AHDC1: variants seen among roughly 807,000 people sequenced by gnomAD.
The protein encoded by AHDC1 is transcription factor Gibbin.
AHDC1 carries 7 observed loss-of-function variants against 87.9 expected under a neutral mutation model. That is an observed-to-expected ratio of 0.08 (90% CI 0.05 to 0.15). AHDC1 has a LOEUF of 0.15. AHDC1 is among the 10% of genes least tolerant of loss of function. The pLI is 1.00. For missense variants in AHDC1, 1,841 were observed against 2,253.2 expected, an observed-to-expected ratio of 0.82 and a Z score of 3.70; for synonymous variants, 1,051 against 1,006.8, an observed-to-expected ratio of 1.04 and a Z score of -0.83.
intron 3 of AHDC1, among the ~76,000 whole-genome samples, chr1:27,572,293 T>G (rs1479940547): frequency 6.6e-6 from 1 of 152,236 alleles, no homozygotes; most frequent in East Asian, 1.9e-4. Flanking sequence ...GCCTGCCTGC[T>G]TACCTGTGGA....
intron 3 of AHDC1, among the ~76,000 whole-genome samples, chr1:27,601,994 G>A (rs944846997): frequency 2.0e-5 from 3 of 152,188 alleles, no homozygotes; most frequent in African/African-American, 7.2e-5. Context: ...GGCGGGAAAC[G>A]CCTGCCCAGC....
chr1:27,577,935 C>T (rs529603615), intron 3 of AHDC1, among the ~76,000 whole-genome samples: 60 of 152,340 alleles, frequency 3.9e-4, no homozygotes, highest in African/African-American at 1.4e-3. Flanking sequence ...GAGGGAACCC[C>T]TGACTCCCCA....
intron 8 of AHDC1, among the ~76,000 whole-genome samples, chr1:27,544,927 C>T (rs1261054221): frequency 2.6e-5 from 4 of 152,150 alleles, no homozygotes; most frequent in Non-Finnish European, 2.9e-5. Context: ...TCTAATGCCC[C>T]GCATGATCTG....
rs562999012 is a variant in AHDC1 at position 27,568,818 on chromosome 1, CAG to C, written c.-628-9937_-628-9936del. On this transcript the variant is annotated intron_variant, in intron 3 of 8. Coordinates refer to ENST00000673934, the MANE Select transcript of AHDC1 (RefSeq NM_001371928.1). ...GTGGGCGGGGAGCTGGGCGCGGAAA[CAG>C]GGGATCCCCCAGAGAGCGCCCAGCC... 1.6e-3 allele frequency among the ~76,000 whole-genome samples: 244 copies of C among 152,008 alleles called. 1 individual carries two copies. Among genetic ancestry groups the C allele is most frequent in the African/African-American group, 3.9e-3 (161 of 41,500 alleles).
rs960988386 is a variant in AHDC1, at chr1:27,553,200, C to G, written c.-224-15G>C. 1 of 152,628 alleles carries G rather than the reference C, an allele frequency of 6.6e-6. No homozygotes were observed. The highest frequency in any genetic ancestry group is 6.5e-5 in the Admixed American group (1 of 15,280). 9.5% of individuals were successfully genotyped at this position (152,628 alleles called of 1,614,324 possible). A position where few individuals can be genotyped will look rare whatever the true frequency, so the allele number is the denominator to read the frequency against. ...GTGGACAGCGCCTGGAAAGGACCATCGCAGCTCAGGTTTAGTGAGCACCTA... is the reference window on the plus strand; with the variant it reads ...GTGGACAGCGCCTGGAAAGGACCATGGCAGCTCAGGTTTAGTGAGCACCTA... On this transcript the variant is annotated splice_polypyrimidine_tract_variant and intron_variant, in intron 5 of 8. Transcript: ENST00000673934.
intron 8 of AHDC1, among the ~76,000 whole-genome samples, chr1:27,545,891 G>A (rs1049890775): frequency 1.3e-5 from 2 of 152,212 alleles, no homozygotes; most frequent in Non-Finnish European, 2.9e-5. Flanking sequence ...GTGGGAAGTT[G>A]GTGGCCAATC....
chr1:27,547,807 C>G lies in AHDC1; in HGVS notation c.4309G>C (p.Ala1437Pro). 6.4e-7 allele frequency: 1 copy of G among 1,559,928 alleles called. No individual in the cohort carries two copies. The highest frequency in any genetic ancestry group is 2.3e-5 in the East Asian group (1 of 44,226). ...HGLQGASLGH[A>P]AAAQAHLSCR... ...CTCAGGTGGGCCTGGGCTGCAGCTGCGTGGCCCAGGCTGGCCCCCTGGAGT... is the reference window on the plus strand; with the variant it reads ...CTCAGGTGGGCCTGGGCTGCAGCTGGGTGGCCCAGGCTGGCCCCCTGGAGT... The change falls in exon 8 of 9, where the codon GCA (alanine) becomes CCA (proline). Residue 1437 changes from alanine (A) to proline (P), a missense_variant. Physicochemically the swap from Ala to Pro is conservative, Grantham distance 27 (BLOSUM62 -1). Transcript: ENST00000673934. The surrounding 1 kb of genome is among the most constrained non-coding windows in gnomAD (Gnocchi z 4.9).
intron 8 of AHDC1, among the ~76,000 whole-genome samples, chr1:27,545,352 C>T (rs2019116518): frequency 6.6e-6 from 1 of 152,050 alleles, no homozygotes; most frequent in Non-Finnish European, 1.5e-5. Context: ...GGTTTGAGGA[C>T]AGCGCAGTTA....
At chr1:27,580,385 G>A (rs2088871233) in intron 3 of AHDC1, among the ~76,000 whole-genome samples, 2 of 152,172 alleles carry the variant, frequency 1.3e-5, no homozygotes, top group Non-Finnish European at 2.9e-5. Flanking sequence ...ACTACCTGAT[G>A]CGTCGTCTCT....
At position 27,548,474 on chromosome 1, in the gene AHDC1, G is replaced by A; in HGVS notation, c.3642C>T (p.Ala1214=). 3 of 1,613,874 alleles carry A rather than the reference G, an allele frequency of 1.9e-6. No homozygotes were observed. The highest frequency in any genetic ancestry group is 2.5e-6 in the Non-Finnish European group (3 of 1,180,024). The part of the protein sequence containing the change: ...LMMDWNEASS[A]PGYNWNQSVL... The stretch of plus-strand genomic sequence containing the variant: ...CACTCTGGTTCCAGTTGTAGCCGGG[G>A]GCAGATGATGCCTCGTTCCAGTCCA... The change falls in exon 8 of 9, where the codon GCC becomes GCT. Residue 1214 remains alanine (A), a synonymous_variant. Coordinates refer to ENST00000673934, the MANE Select transcript of AHDC1 (RefSeq NM_001371928.1).
At chr1:27,586,888 C>G (rs2089074787) in intron 3 of AHDC1, among the ~76,000 whole-genome samples, 2 of 152,210 alleles carry the variant, frequency 1.3e-5, no homozygotes, top group Admixed American at 6.5e-5. Context: ...AAAAGAGGCA[C>G]CCTGGTCCTC....
chr1:27,589,851 T>C (rs1024402738), intron 3 of AHDC1, among the ~76,000 whole-genome samples: 4 of 152,142 alleles, frequency 2.6e-5, no homozygotes, highest in Non-Finnish European at 5.9e-5. Context: ...CCCTCCGCCC[T>C]GGGGGAGCCA....
At chr1:27,596,113 C>T (rs1370681271) in intron 3 of AHDC1, among the ~76,000 whole-genome samples, 1 of 151,988 alleles carries the variant, frequency 6.6e-6, no homozygotes, top group Non-Finnish European at 1.5e-5. Flanking sequence ...AGCATCCTGG[C>T]CTTTGCTCCG....
chr1:27,580,917 C>T (rs1299612927), intron 3 of AHDC1, among the ~76,000 whole-genome samples: 1 of 152,098 alleles, frequency 6.6e-6, no homozygotes, highest in East Asian at 1.9e-4. Flanking sequence ...TCATTGCAAC[C>T]TCCGCCTCCC....
At chr1:27,564,418 G>T (rs777533437) in intron 3 of AHDC1, among the ~76,000 whole-genome samples, 17 of 152,254 alleles carry the variant, frequency 1.1e-4, no homozygotes, top group Admixed American at 2.6e-4. Flanking sequence ...TTCCTCACAA[G>T]GAACCTCATC....
rs906043540 is a variant in AHDC1 at position 27,563,929 on chromosome 1, G to A, written c.-628-5046C>T. Among the ~76,000 whole-genome samples, 6 of 152,158 alleles carry A rather than the reference G, an allele frequency of 3.9e-5. No homozygotes were observed. Among genetic ancestry groups the A allele is most frequent in the African/African-American group, 1.2e-4 (5 of 41,426 alleles). ...GGGCTGAATGAGTGGTGGAGGGAGG[G>A]CTGTCCTGAGGCGCTGTTACTATGA... On this transcript the variant is annotated intron_variant, in intron 3 of 8. Transcript: ENST00000673934. This position sits in a 1 kb window ranked among gnomAD's most constrained non-coding sequence, Gnocchi z 6.1.
Position 27,550,944 on chromosome 1 carries a change from T to C in AHDC1, c.1172A>G (p.Lys391Arg), listed in dbSNP as rs778160773. 46 of 1,599,078 alleles carry C rather than the reference T, an allele frequency of 2.9e-5. No homozygotes were observed. In the Middle Eastern group the frequency reaches 6.6e-4, roughly 23 times the overall value. The change falls in exon 8 of 9, where the codon AAG becomes AGG. Residue 391 changes from lysine (K) to arginine (R), a missense_variant. Physicochemically the swap from Lys to Arg is conservative, Grantham distance 26 (BLOSUM62 2). Transcript: ENST00000673934. Reference sequence around the variant, plus strand: ...GGCTTTCCGCCGGCGACACAGGATCTTTGGCCTATCAGTGCGCCGCAAGGC... The same window carrying C: ...GGCTTTCCGCCGGCGACACAGGATCCTTGGCCTATCAGTGCGCCGCAAGGC... ...KYALRRTDRP[K>R]ILCRRRKAGR...
Position 27,565,137 on chromosome 1 carries a change from C to T in AHDC1, c.-628-6254G>A, listed in dbSNP as rs1036994963. ...GCATGCTCGCTCCCGCGCAGGGAAGCGGCTAATTTTAGCTGAGGCCTCGAT... is the reference window on the plus strand; with the variant it reads ...GCATGCTCGCTCCCGCGCAGGGAAGTGGCTAATTTTAGCTGAGGCCTCGAT... On this transcript the variant is annotated intron_variant, in intron 3 of 8. Coordinates refer to ENST00000673934, the MANE Select transcript of AHDC1 (RefSeq NM_001371928.1). The surrounding 1 kb of genome is among the most constrained non-coding windows in gnomAD (Gnocchi z 4.6). Among the ~76,000 whole-genome samples, 5 of 152,198 alleles carry T rather than the reference C, an allele frequency of 3.3e-5. No homozygotes were observed. The highest frequency in any genetic ancestry group is 3.9e-4 in the East Asian group (2 of 5,186).
rs147012676 is a variant in AHDC1, at chr1:27,556,527, C to T, written c.-225+1778G>A. On this transcript the variant is annotated intron_variant, in intron 5 of 8. Coordinates refer to ENST00000673934, the MANE Select transcript of AHDC1 (RefSeq NM_001371928.1). ...CACCTCCTTCCCTTCAGCCGCCTACCTGCCCACACAGTAACACCTGAATAT... is the reference window on the plus strand; with the variant it reads ...CACCTCCTTCCCTTCAGCCGCCTACTTGCCCACACAGTAACACCTGAATAT... Among the ~76,000 whole-genome samples, 261 of 152,150 alleles carry T rather than the reference C, an allele frequency of 1.7e-3. 2 individuals carry two copies. The highest frequency in any genetic ancestry group is 3.0e-3 in the Non-Finnish European group (201 of 67,986).
Sources: allele counts gnomAD v4.1 joint callset (sites outside exome capture counted in the v4.1 genomes callset), GRCh38; gene constraint gnomAD v4.1.1; non-coding constraint Gnocchi (gnomAD v3.1); transcripts MANE v1.5; gene names NCBI Gene and HGNC (gene_info 2026-07-23, HGNC 2026-07-21).